MYO1F: variants seen among roughly 807,000 people sequenced by gnomAD.
MYO1F encodes myosin IF.
Under a neutral mutation model 146.6 loss-of-function variants are expected in MYO1F, and 60 were observed. The ratio of observed to expected loss-of-function variants is 0.41; its 90% CI spans 0.33 to 0.51. The LOEUF is 0.51. Ranked by LOEUF, MYO1F falls within the 20% of genes least tolerant of loss-of-function variation. The probability of loss-of-function intolerance (pLI) is 0.25; values close to 1 mark genes in which losing one functional copy is unlikely to be tolerated. For missense variants in MYO1F, 1,274 were observed against 1,534.3 expected (o/e 0.83, Z 2.83); for synonymous variants, 602 against 602.1 (o/e 1.00, Z 0.00).
intron 1 of MYO1F, among the ~76,000 whole-genome samples, chr19:8,558,475 C>A (rs1260693653): frequency 6.6e-6 from 1 of 152,106 alleles, no homozygotes; most frequent in Non-Finnish European, 1.5e-5. Flanking sequence ...CCAGACGACA[C>A]TTTCTTTAGG....
chr19:8,560,395 G>A lies in MYO1F; in HGVS notation c.4-4599C>T, dbSNP rs189088448. Among the ~76,000 whole-genome samples, 12 of 151,656 alleles carry A rather than the reference G, an allele frequency of 7.9e-5. No homozygotes were observed. The East Asian group carries it at 2.0e-3, about 25-fold the overall frequency. ...AGCTACTCAGGAGGCTGAGGCAGGAGACTCGCTTGATCCCGGGAGGCAGAG... is the reference window on the plus strand; with the variant it reads ...AGCTACTCAGGAGGCTGAGGCAGGAAACTCGCTTGATCCCGGGAGGCAGAG... On this transcript the variant is annotated intron_variant, in intron 1 of 27. Coordinates refer to ENST00000644032, the MANE Select transcript of MYO1F (RefSeq NM_012335.4).
intron 1 of MYO1F, among the ~76,000 whole-genome samples, chr19:8,574,749 TTC>T (rs1329079388): frequency 2.0e-5 from 3 of 150,278 alleles, no homozygotes; most frequent in Non-Finnish European, 4.4e-5. Flanking sequence ...CTTTCTTTCT[TTC>T]TCTCTCTCTT....
intron 6 of MYO1F, among the ~76,000 whole-genome samples, chr19:8,552,826 A>G (rs1973670840): frequency 6.6e-6 from 1 of 152,170 alleles, no homozygotes; most frequent in Admixed American, 6.6e-5. Flanking sequence ...ACTATTGTCG[A>G]AAGAAGGAAT....
At position 8,570,663 on chromosome 19, in the gene MYO1F, G is replaced by A. The variant is rs1368874316; in HGVS notation, c.3+6644C>T. Among the ~76,000 whole-genome samples the A allele has an allele frequency of 2.4e-4, 36 of 151,470 alleles. 1 individual carries two copies. Among genetic ancestry groups the A allele is most frequent in the Non-Finnish European group, 4.4e-5 (3 of 67,968 alleles). On this transcript the variant is annotated intron_variant, in intron 1 of 27. Transcript: ENST00000644032. Reference sequence around the variant, plus strand: ...ATGACGGGCACTGGGATGAGCCACCGCACCCAACCACATTTTTTTTTTTTT... The same window carrying A: ...ATGACGGGCACTGGGATGAGCCACCACACCCAACCACATTTTTTTTTTTTT...
In MYO1F at chr19:8,530,427, C is replaced by A. The variant is rs1972434700; in HGVS notation, c.2158+32G>T. On this transcript the variant is annotated intron_variant, in intron 20 of 27. Transcript: ENST00000644032. The surrounding 1 kb of genome is among the most constrained non-coding windows in gnomAD (Gnocchi z 5.8). ...ACAGCTCCTCCAGGTCCTTGTGCCC[C>A]CACCCCGCGCCGTTTACCCGAAGCC... The A allele has an allele frequency of 1.2e-6, 2 of 1,613,656 alleles. No individual in the cohort carries two copies. The highest frequency in any genetic ancestry group is 4.5e-5 in the East Asian group (2 of 44,884).
Position 8,554,462 on chromosome 19 carries a change from C to A in MYO1F, c.326+15G>T. 2 of 1,594,972 alleles carry A rather than the reference C, an allele frequency of 1.3e-6. No homozygotes were observed. The highest frequency in any genetic ancestry group is 1.7e-6 in the Non-Finnish European group (2 of 1,163,642). On this transcript the variant is annotated intron_variant, in intron 4 of 27. Transcript: ENST00000644032. ...CCGGGCAGCAGGGTCTGTGGCCCCCCAACTCTGTCCATACCTAATGATGAC... is the reference window on the plus strand; with the variant it reads ...CCGGGCAGCAGGGTCTGTGGCCCCCAAACTCTGTCCATACCTAATGATGAC...
chr19:8,566,997 A>G (rs1315551564), intron 1 of MYO1F, among the ~76,000 whole-genome samples: 1 of 151,526 alleles, frequency 6.6e-6, no homozygotes, highest in Non-Finnish European at 1.5e-5. Flanking sequence ...TTTTTATGTG[A>G]ATTACTTCAT....
Position 8,552,172 on chromosome 19 carries a change from C to T in MYO1F, c.505-8G>A, listed in dbSNP as rs1451616874. 1 of 1,614,002 alleles carries T rather than the reference C, an allele frequency of 6.2e-7. No homozygotes were observed. Among genetic ancestry groups the T allele is most frequent in the Non-Finnish European group, 8.5e-7 (1 of 1,179,998 alleles). On this transcript the variant is annotated splice_polypyrimidine_tract_variant and splice_region_variant and intron_variant, in intron 6 of 27. Coordinates refer to ENST00000644032, the MANE Select transcript of MYO1F (RefSeq NM_012335.4). ...GATCTCAAAGTACTTGCCCTGAATC[C>T]GAGAGAACCATGTCAGCACCCCAGT...
chr19:8,570,322 G>A (rs2042085212), intron 1 of MYO1F, among the ~76,000 whole-genome samples: 2 of 151,790 alleles, frequency 1.3e-5, no homozygotes, highest in Admixed American at 6.6e-5. Flanking sequence ...CACTCATCTC[G>A]GCCTCCCAAA....
chr19:8,573,251 C>T (rs532072109), intron 1 of MYO1F, among the ~76,000 whole-genome samples: 2 of 152,080 alleles, frequency 1.3e-5, no homozygotes, highest in African/African-American at 4.8e-5. Flanking sequence ...GTGGGGCTTG[C>T]AGTGAGCCAA....
In MYO1F at chr19:8,577,179, C is replaced by G. The variant is rs2042253071; in HGVS notation, c.3+128G>C. On this transcript the variant is annotated intron_variant, in intron 1 of 27. Transcript: ENST00000644032. The surrounding 1 kb of genome is among the most constrained non-coding windows in gnomAD (Gnocchi z 4.3). ...GCACCTGAGCTGCACTGAGAGACAC[C>G]CCACCCCCACAGAAGTCCACCATGC... 10 of 1,140,064 alleles carry G rather than the reference C, an allele frequency of 8.8e-6. No individual in the cohort carries two copies. In the South Asian group the frequency reaches 1.1e-4, roughly 12 times the overall value. 70.6% of individuals were successfully genotyped at this position (1,140,064 alleles called of 1,614,324 possible). A position where few individuals can be genotyped will look rare whatever the true frequency, so the allele number is the denominator to read the frequency against.
chr19:8,576,054 C>T lies in MYO1F; in HGVS notation c.3+1253G>A, dbSNP rs190872672. Among the ~76,000 whole-genome samples, 638 of 152,194 alleles carry T rather than the reference C, an allele frequency of 4.2e-3. 2 individuals carry two copies. The highest frequency in any genetic ancestry group is 6.1e-3 in the Non-Finnish European group (416 of 68,006). Reference sequence around the variant, plus strand: ...CTCTGTCACCCAGGCTGGAGTGCAGCGGCAGGATCTCAGCTCACTGCACCC... The same window carrying T: ...CTCTGTCACCCAGGCTGGAGTGCAGTGGCAGGATCTCAGCTCACTGCACCC... On this transcript the variant is annotated intron_variant, in intron 1 of 27. Coordinates refer to ENST00000644032, the MANE Select transcript of MYO1F (RefSeq NM_012335.4).
At chr19:8,544,579 C>A in intron 13 of MYO1F, 115 bp from the exon 14 acceptor site, 6 of 657,086 alleles carry the variant, frequency 9.1e-6, no homozygotes, top group Non-Finnish European at 1.2e-5. Context: ...GGAGCTAGAG[C>A]TTTGGGGGTG....
chr19:8,553,903 C>CTCTCTT (rs1431021756), intron 4 of MYO1F, among the ~76,000 whole-genome samples: 3 of 150,558 alleles, frequency 2.0e-5, no homozygotes, highest in African/African-American at 4.9e-5. Context: ...CACTCTCTCT[C>CTCTCTT]TCTCTCTCTC....
In MYO1F at chr19:8,543,771, GTGGTGCTGGTGGTGC is replaced by G. The variant is rs1568348960; in HGVS notation, c.1524+511_1524+525del. On this transcript the variant is annotated intron_variant, in intron 14 of 27. Transcript: ENST00000644032. The stretch of plus-strand genomic sequence containing the variant: ...GGTGGTGGTGGTGGTGGTGGTGCTG[GTGGTGCTGGTGGTGC>G]TGGTGGTGGTGGTGCTGGTGGTGCT... Among the ~76,000 whole-genome samples the G allele has an allele frequency of 1.5e-3, 16 of 10,528 alleles. 2 individuals are homozygous for G. The highest frequency in any genetic ancestry group is 6.8e-3 in the African/African-American group (12 of 1,758). 6.9% of individuals were successfully genotyped at this position (10,528 alleles called of 152,430 possible).
chr19:8,536,408 G>C lies in MYO1F; in HGVS notation c.1899-12C>G, dbSNP rs1345115706. 3.1e-6 allele frequency: 5 copies of C among 1,607,634 alleles called. No homozygotes were observed. Among genetic ancestry groups the C allele is most frequent in the Admixed American group, 1.7e-5 (1 of 59,950 alleles). On this transcript the variant is annotated splice_polypyrimidine_tract_variant and intron_variant, in intron 18 of 27. Transcript: ENST00000644032. The stretch of plus-strand genomic sequence containing the variant: ...TCAGAATGGCATACCTGAGGGCGGA[G>C]GGCTGGGGTGTGGGAGTGCTCATAG...
intron 2 of MYO1F, 194 bp downstream of exon 2, chr19:8,555,465 C>T: frequency 1.5e-6 from 1 of 657,696 alleles, no homozygotes; most frequent in East Asian, 2.8e-5. Flanking sequence ...CTGAGCTTCC[C>T]CAGGACAGAG....
chr19:8,536,033 G>A (rs980111219), intron 19 of MYO1F, among the ~76,000 whole-genome samples: 1 of 151,554 alleles, frequency 6.6e-6, no homozygotes, highest in African/African-American at 2.4e-5. Context: ...CTTACTTTCA[G>A]TCTATTAATC....
chr19:8,555,466 C>T, intron 2 of MYO1F, 193 bp downstream of exon 2: 1 of 654,516 alleles, frequency 1.5e-6, no homozygotes, highest in East Asian at 2.8e-5. Context: ...TGAGCTTCCC[C>T]AGGACAGAGG....
Sources: gnomAD v4.1 joint callset for allele counts (sites outside exome capture counted in the v4.1 genomes callset) on GRCh38, gnomAD v4.1.1 for gene constraint, Gnocchi (gnomAD v3.1) non-coding constraint, MANE v1.5 for transcripts, NCBI Gene and HGNC (gene_info 2026-07-23, HGNC 2026-07-21) for gene names.